Variants in MCM3AP observed in about 807,000 individuals in gnomAD.
The protein encoded by MCM3AP is germinal-center associated nuclear protein.
In MCM3AP, 126 loss-of-function variants were observed where a neutral mutation model predicts 184.1. The observed-to-expected ratio is 0.68, with a 90% CI of 0.59 to 0.79. The LOEUF is 0.79. MCM3AP is among the 30% of genes least tolerant of loss of function. The probability of loss-of-function intolerance (pLI) is 0.00; values close to 1 mark genes in which losing one functional copy is unlikely to be tolerated. For synonymous variants in MCM3AP, 1,002 were observed against 979.3 expected (o/e 1.02, Z -0.43); for missense variants, 2,496 against 2,479.2 (o/e 1.01, Z -0.14).
chr21:46,254,159 G>GC, intron 19 of MCM3AP: 1 of 559,770 alleles, frequency 1.8e-6, no homozygotes, highest in Non-Finnish European at 3.2e-6. Flanking sequence ...TTTCTTTAAA[G>GC]CAGTGTGAGA....
chr21:46,265,986 G>C lies in MCM3AP; in HGVS notation c.2970C>G (p.Ile990Met). ...VCSFNSQNKY[I>M]GESLAAELPV... ...GCAGCTCCGCGGCCAGGCTCTCCCCGATGTACTTGTTCTGGGAGTTGAAGC... is the reference window on the plus strand; with the variant it reads ...GCAGCTCCGCGGCCAGGCTCTCCCCCATGTACTTGTTCTGGGAGTTGAAGC... The change falls in exon 11 of 28, where the codon ATC becomes ATG. Residue 990 changes from isoleucine (I) to methionine (M), a missense_variant. By Grantham distance (10) the Ile-to-Met change is conservative. This residue lies in a region of MCM3AP where 1,323 missense variants were observed against 1,273.4 expected (regional missense o/e 1.04). Transcript: ENST00000291688. 1 of 1,607,508 alleles carries C rather than the reference G, an allele frequency of 6.2e-7. No individual in the cohort carries two copies. Among genetic ancestry groups the C allele is most frequent in the South Asian group, 1.1e-5 (1 of 88,832 alleles).
intron 16 of MCM3AP, among the ~76,000 whole-genome samples, 181 bp from the exon 17 acceptor site, chr21:46,257,167 G>A (rs1165218992): frequency 6.6e-6 from 1 of 152,190 alleles, no homozygotes; most frequent in Non-Finnish European, 1.5e-5. Flanking sequence ...TGGCAATATG[G>A]ATACAGATTT....
rs754476888 is a variant in MCM3AP, at chr21:46,242,792, T to G, written c.5426+10A>C. 6.2e-7 allele frequency: 1 copy of G among 1,601,000 alleles called. No individual in the cohort carries two copies. Among genetic ancestry groups the G allele is most frequent in the Non-Finnish European group, 8.5e-7 (1 of 1,175,840 alleles). On this transcript the variant is annotated intron_variant, in intron 25 of 27. Coordinates refer to ENST00000291688, the MANE Select transcript of MCM3AP (RefSeq NM_003906.5). Reference sequence around the variant, plus strand: ...GCAAGCAACAGAAACATACTGAACATGAACCTCACCGTCCCTCTCTCAGCT... The same window carrying G: ...GCAAGCAACAGAAACATACTGAACAGGAACCTCACCGTCCCTCTCTCAGCT...
intron 21 of MCM3AP, 47 bp downstream of exon 21, chr21:46,246,581 C>T: frequency 6.3e-7 from 1 of 1,599,524 alleles, no homozygotes; most frequent in East Asian, 2.2e-5. Flanking sequence ...GGCCTCCACC[C>T]ATTTATTAAA....
chr21:46,264,005 T>C, intron 13 of MCM3AP, 112 bp downstream of exon 13: 1 of 627,258 alleles, frequency 1.6e-6, no homozygotes, highest in South Asian at 2.0e-5. Context: ...GGCAATAACT[T>C]ATTGGATTAT....
In MCM3AP at chr21:46,272,668, C is replaced by T; in HGVS notation, c.2358G>A (p.Leu786=). ...NENMTKCLQS[L]KEMYQDLRNK... is the part of the protein sequence containing the mutation. ...TTCTCAGGTCCTGGTACATCTCCTTCAGGCTCTGCAGGCACTTGGTCATGT... is the reference window on the plus strand; with the variant it reads ...TTCTCAGGTCCTGGTACATCTCCTTTAGGCTCTGCAGGCACTTGGTCATGT... Residue 786 remains leucine (L), a synonymous_variant, in exon 8 of 28, where the codon CTG becomes CTA. Transcript: ENST00000291688. 6.2e-7 allele frequency: 1 copy of T among 1,614,208 alleles called. No homozygotes were observed. Among genetic ancestry groups the T allele is most frequent in the Non-Finnish European group, 8.5e-7 (1 of 1,180,030 alleles).
chr21:46,235,577 C>T, intron 27 of MCM3AP, 151 bp from the exon 28 acceptor site: 1 of 636,796 alleles, frequency 1.6e-6, no homozygotes, highest in Non-Finnish European at 2.7e-6. Flanking sequence ...TTTGTATATC[C>T]TTCCAGCCTC....
At chr21:46,259,324 C>G in intron 15 of MCM3AP, 1 of 318,968 alleles carries the variant, frequency 3.1e-6, no homozygotes, top group South Asian at 4.6e-5. Context: ...GGTGTGGTGG[C>G]GGGCGCCTGT....
In MCM3AP at chr21:46,242,903, A is replaced by C; in HGVS notation, c.5325T>G (p.Cys1775Trp). The change falls in exon 25 of 28, where the codon TGT (cysteine) becomes TGG (tryptophan). Residue 1775 changes from cysteine to tryptophan, a missense_variant. Around this residue, in one of 5 missense-constraint regions of MCM3AP, gnomAD observed 1,323 missense variants for 1,273.4 expected, o/e 1.04. Transcript: ENST00000291688. ...TCAAATCGTTTTTAAAAAAATACAC[A>C]CATATCTGACCATCTTCACTCAGCG... ...SEALSEDGQI[C>W]VYFFKNDLKK... The C allele has an allele frequency of 1.2e-6, 2 of 1,613,218 alleles. 1 individual carries two copies. Among genetic ancestry groups the C allele is most frequent in the South Asian group, 2.2e-5 (2 of 90,934 alleles).
chr21:46,278,727 G>A (rs1197980546), intron 4 of MCM3AP, among the ~76,000 whole-genome samples: 1 of 151,806 alleles, frequency 6.6e-6, no homozygotes, highest in African/African-American at 2.4e-5. Context: ...AGTCTGGAGT[G>A]CAGTGGCGCA....
intron 26 of MCM3AP, 121 bp from the exon 27 acceptor site, chr21:46,237,100 A>AT (rs10552880): frequency 0.44 from 92,426 of 211,798 alleles, 18,205 homozygotes; most frequent in South Asian, 0.59. Context: ...ATTTTATATA[A>AT]TTTTTTTTTT....
In MCM3AP at chr21:46,272,587, G is replaced by A; in HGVS notation, c.2439C>T (p.Leu813=). ...TTAGGATGTCTCCCTTGTTGAGACT[G>A]AGCAGAACATTGTAGCCCTGGAACT... ...EAEFQGYNVL[L]SLNKGDILRE... The change falls in exon 8 of 28, where the codon CTC becomes CTT. Residue 813 remains leucine, a synonymous_variant. Coordinates refer to ENST00000291688, the MANE Select transcript of MCM3AP (RefSeq NM_003906.5). The A allele has an allele frequency of 6.2e-7, 1 of 1,614,140 alleles. No individual in the cohort carries two copies. The highest frequency in any genetic ancestry group is 8.5e-7 in the Non-Finnish European group (1 of 1,180,006).
At chr21:46,248,851 TGAAAATAGGATA>T (rs2080822610) in intron 20 of MCM3AP, among the ~76,000 whole-genome samples, 1 of 151,644 alleles carries the variant, frequency 6.6e-6, no homozygotes, top group South Asian at 2.1e-4. Flanking sequence ...GAGATGAGAT[TGAAAATAGGATA>T]GAAAATAGGA....
chr21:46,259,764 T>C (rs540313072), intron 15 of MCM3AP, among the ~76,000 whole-genome samples: 5 of 151,904 alleles, frequency 3.3e-5, no homozygotes, highest in Admixed American at 1.3e-4. Context: ...TATGAAAAAT[T>C]AGCCAGGCAT....
rs17182857 is a variant in MCM3AP, at chr21:46,265,371, C to T, written c.3184G>A (p.Val1062Met). 3.3e-4 allele frequency: 536 copies of T among 1,613,980 alleles called. 4 individuals carry two copies. The East Asian group carries it at 0.011, about 33-fold the overall frequency. Residue 1062 changes from valine to methionine, a missense_variant, in exon 12 of 28, where the codon GTG (valine) becomes ATG (methionine). Val to Met is a conservative substitution (Grantham distance 21). This residue lies in a region of MCM3AP where 1,323 missense variants were observed against 1,273.4 expected (regional missense o/e 1.04). Coordinates refer to ENST00000291688, the MANE Select transcript of MCM3AP (RefSeq NM_003906.5). ...TCTGGAGGCGGTGGTTCAGGCTGCA[C>T]AGACAGCTGGAAGAGGCTGGGCGCC... ...SVAPSLFQLS[V>M]QPEPPPPEPV...
chr21:46,244,744 T>G (rs1338862434), intron 23 of MCM3AP, 63 bp downstream of exon 23: 1 of 1,527,490 alleles, frequency 6.5e-7, no homozygotes, highest in Non-Finnish European at 8.8e-7. Context: ...GTTACTACAG[T>G]GAGAAGGAAG....
At chr21:46,269,207 G>C (rs1213203829) in intron 9 of MCM3AP, among the ~76,000 whole-genome samples, 2 of 151,838 alleles carry the variant, frequency 1.3e-5, no homozygotes, top group African/African-American at 4.8e-5. Flanking sequence ...TCAACTTCCT[G>C]GGCTCAAGCG....
chr21:46,258,022 A>G (rs907044588), intron 16 of MCM3AP, among the ~76,000 whole-genome samples: 4 of 152,052 alleles, frequency 2.6e-5, no homozygotes, highest in African/African-American at 9.7e-5. Flanking sequence ...GACCACTGGC[A>G]ACGGGGACAG....
At position 46,284,323 on chromosome 21, in the gene MCM3AP, G is replaced by A. The variant is rs1431360415; in HGVS notation, c.964C>T (p.Pro322Ser). ...SDPLSRGDHP[P>S]DKRPVRLNRP... ...TTCAGGCGGACAGGTCGTTTGTCTG[G>A]AGGATGATCGCCCCGGGACAGAGGA... Residue 322 changes from proline (P) to serine (S), a missense_variant, in exon 1 of 28, where the codon CCA becomes TCA. This residue lies in a region of MCM3AP where 800 missense variants were observed against 717.1 expected (regional missense o/e 1.12). Coordinates refer to ENST00000291688, the MANE Select transcript of MCM3AP (RefSeq NM_003906.5). 1 of 1,614,208 alleles carries A rather than the reference G, an allele frequency of 6.2e-7. No homozygotes were observed. Among genetic ancestry groups the A allele is most frequent in the East Asian group, 2.2e-5 (1 of 44,884 alleles).
Sources: gnomAD v4.1 joint callset for allele counts (sites outside exome capture counted in the v4.1 genomes callset) on GRCh38, gnomAD v4.1.1 for gene constraint, gnomAD v4.1.1 regional missense constraint, MANE v1.5 for transcripts, NCBI Gene and HGNC (gene_info 2026-07-23, HGNC 2026-07-21) for gene names.